The following PDE3B variants were observed in gnomAD, a reference collection of about 807,000 sequenced individuals.
PDE3B encodes cGMP-inhibited 3',5'-cyclic phosphodiesterase 3B.
PDE3B carries 66 observed loss-of-function variants against 116.8 expected under a neutral mutation model. That is an observed-to-expected ratio of 0.56 (90% CI 0.46 to 0.69). PDE3B has a LOEUF of 0.69. Among genes scored for constraint, PDE3B ranks in the 30% least tolerant of loss-of-function variants. PDE3B has a pLI of 0.00. For synonymous variants in PDE3B, 595 were observed against 533.6 expected (o/e 1.12, Z -1.59); for missense variants, 1,384 against 1,368.1 (o/e 1.01, Z -0.18).
chr11:14,865,442 G>A lies in PDE3B; in HGVS notation c.2887-2064G>A, dbSNP rs373035738. Among the ~76,000 whole-genome samples, 6 of 152,258 alleles carry A rather than the reference G, an allele frequency of 3.9e-5. No individual in the cohort carries two copies. In the East Asian group the frequency reaches 7.7e-4, roughly 20 times the overall value. ...CTAGGTGAGGGCTTTCTTAACATGAGTGGAAAGTGGGAGTAATTGAGCCTA... is the reference window on the plus strand; with the variant it reads ...CTAGGTGAGGGCTTTCTTAACATGAATGGAAAGTGGGAGTAATTGAGCCTA... On this transcript the variant is annotated intron_variant, in intron 14 of 15. Coordinates refer to ENST00000282096, the MANE Select transcript of PDE3B (RefSeq NM_000922.4).
chr11:14,824,254 T>C (rs1265789610), intron 7 of PDE3B, among the ~76,000 whole-genome samples: 3 of 152,202 alleles, frequency 2.0e-5, no homozygotes, highest in East Asian at 3.8e-4. Context: ...CAGTATCTTA[T>C]GACCTCCAAA....
chr11:14,685,293 A>G lies in PDE3B; in HGVS notation c.978+40240A>G, dbSNP rs1383103167. Among the ~76,000 whole-genome samples, 6 of 152,174 alleles carry G rather than the reference A, an allele frequency of 3.9e-5. No individual in the cohort carries two copies. In the East Asian group the frequency reaches 1.2e-3, roughly 29 times the overall value. On this transcript the variant is annotated intron_variant, in intron 1 of 15. Transcript: ENST00000282096. ...TTCAGTGTCCCTGACTTCCCGCAAC[A>G]TGAAAGTAGTTGTACGAATCTATTG...
chr11:14,770,241 T>C (rs1476430315), intron 1 of PDE3B, among the ~76,000 whole-genome samples: 1 of 151,430 alleles, frequency 6.6e-6, no homozygotes, highest in African/African-American at 2.4e-5. Flanking sequence ...CTGTCTATTC[T>C]AGACATCTAT....
intron 1 of PDE3B, among the ~76,000 whole-genome samples, chr11:14,676,417 C>T (rs1288811334): frequency 6.6e-6 from 1 of 152,092 alleles, no homozygotes; most frequent in Non-Finnish European, 1.5e-5. Context: ...GCAGTTGTAA[C>T]ACAATGCTAA....
intron 1 of PDE3B, among the ~76,000 whole-genome samples, chr11:14,740,553 C>G (rs1856739243): frequency 6.6e-6 from 1 of 152,022 alleles, no homozygotes; most frequent in Non-Finnish European, 1.5e-5. Context: ...AAAAAACCAG[C>G]TCCTGGATTC....
chr11:14,844,935 T>G (rs989283582), intron 12 of PDE3B, among the ~76,000 whole-genome samples: 1,902 of 152,286 alleles, frequency 0.012, 56 homozygotes, highest in African/African-American at 0.044. Flanking sequence ...AAGACAGCAG[T>G]AACCTCTGCA....
At chr11:14,725,923 G>A (rs1856293517) in intron 1 of PDE3B, among the ~76,000 whole-genome samples, 1 of 151,916 alleles carries the variant, frequency 6.6e-6, no homozygotes. Context: ...TATCGACACA[G>A]TTTACCATGG....
chr11:14,867,794 T>C lies in PDE3B; in HGVS notation c.3139+36T>C, dbSNP rs782311622. On this transcript the variant is annotated intron_variant, in intron 15 of 15. Transcript: ENST00000282096. Reference sequence around the variant, plus strand: ...AGGGACATTATAATTTATTTAATGTTATAGGTTGAGTATTCCAAGTCTGAA... The same window carrying C: ...AGGGACATTATAATTTATTTAATGTCATAGGTTGAGTATTCCAAGTCTGAA... 8 of 1,540,656 alleles carry C rather than the reference T, an allele frequency of 5.2e-6. No homozygotes were observed. The Admixed American group carries it at 1.1e-4, about 21-fold the overall frequency.
chr11:14,748,418 TAC>T (rs1250436174), intron 1 of PDE3B, among the ~76,000 whole-genome samples: 7 of 152,220 alleles, frequency 4.6e-5, no homozygotes, highest in African/African-American at 1.7e-4. Context: ...GTCTTTTCAG[TAC>T]AGAGTTAATT....
chr11:14,749,677 T>A (rs1197630499), intron 1 of PDE3B, among the ~76,000 whole-genome samples: 1 of 151,454 alleles, frequency 6.6e-6, no homozygotes, highest in African/African-American at 2.4e-5. Context: ...AGGCCTTCTC[T>A]GTTATTCAGA....
At chr11:14,841,357 A>T (rs1373315513) in intron 11 of PDE3B, among the ~76,000 whole-genome samples, 2 of 147,432 alleles carry the variant, frequency 1.4e-5, no homozygotes, top group Admixed American at 1.4e-4. Context: ...CTATATATAT[A>T]TATAAAATAT....
chr11:14,746,122 C>A (rs1415647348), intron 1 of PDE3B, among the ~76,000 whole-genome samples: 1 of 152,224 alleles, frequency 6.6e-6, no homozygotes, highest in Non-Finnish European at 1.5e-5. Flanking sequence ...CCAGGTGCCA[C>A]CGCACTCATG....
At chr11:14,673,753 CA>C in intron 1 of PDE3B, 1 of 773,908 alleles carries the variant, frequency 1.3e-6, no homozygotes, top group Non-Finnish European at 2.4e-6. Flanking sequence ...CCAATTCGTA[CA>C]AGTAATCTCA....
chr11:14,734,866 G>T (rs1856556118), intron 1 of PDE3B, among the ~76,000 whole-genome samples: 2 of 151,918 alleles, frequency 1.3e-5, no homozygotes, highest in Admixed American at 1.3e-4. Flanking sequence ...CCACATCTAA[G>T]AAAATTAATA....
At position 14,701,690 on chromosome 11, in the gene PDE3B, C is replaced by T. The variant is rs142876094; in HGVS notation, c.978+56637C>T. On this transcript the variant is annotated intron_variant, in intron 1 of 15. Coordinates refer to ENST00000282096, the MANE Select transcript of PDE3B (RefSeq NM_000922.4). ...TATTATGCCTCTCTCCATTCTTTCT[C>T]CATTCTCTTGCTATAGTTATGTCAT... Among the ~76,000 whole-genome samples, 169 of 151,770 alleles carry T rather than the reference C, an allele frequency of 1.1e-3. No individual in the cohort carries two copies. In the East Asian group the frequency reaches 0.03, roughly 27 times the overall value.
At chr11:14,772,080 A>G in intron 2 of PDE3B, 93 bp downstream of exon 2, 1 of 623,586 alleles carries the variant, frequency 1.6e-6, no homozygotes, top group East Asian at 3.2e-5. Flanking sequence ...TTAAAGTTAC[A>G]CTCACAATAT....
At chr11:14,705,303 C>A (rs1855495928) in intron 1 of PDE3B, among the ~76,000 whole-genome samples, 1 of 151,742 alleles carries the variant, frequency 6.6e-6, no homozygotes, top group Non-Finnish European at 1.5e-5. Context: ...TCTATCCCTA[C>A]CAGTAGAAGG....
chr11:14,833,166 T>G (rs1231294447), intron 10 of PDE3B, among the ~76,000 whole-genome samples: 1 of 152,144 alleles, frequency 6.6e-6, no homozygotes, highest in Non-Finnish European at 1.5e-5. Flanking sequence ...TTGGCCAGGC[T>G]GGTGCTGAAC....
intron 1 of PDE3B, among the ~76,000 whole-genome samples, chr11:14,667,667 A>G (rs1045194249): frequency 6.8e-6 from 1 of 146,560 alleles, no homozygotes; most frequent in Non-Finnish European, 1.5e-5. Flanking sequence ...GAAGGGGAAC[A>G]TGACACAACG....
Sources: gnomAD v4.1 joint callset for allele counts (sites outside exome capture counted in the v4.1 genomes callset) on GRCh38, gnomAD v4.1.1 for gene constraint, MANE v1.5 for transcripts, NCBI Gene and HGNC (gene_info 2026-07-23, HGNC 2026-07-21) for gene names.